The following FARS2 variants were observed in gnomAD, a reference collection of about 807,000 sequenced individuals.
FARS2 encodes the protein phenylalanine--tRNA ligase, mitochondrial.
In FARS2, 40 loss-of-function variants were observed where a neutral mutation model predicts 46.4. The observed-to-expected ratio is 0.86, with a 90% confidence interval of 0.67 to 1.12. The LOEUF is 1.12. Ranked by LOEUF, FARS2 falls within the 50% of genes most tolerant of loss-of-function variation. FARS2 has a pLI of 0.00. For synonymous variants in FARS2, 234 were observed against 214.9 expected (o/e 1.09, Z -0.78); for missense variants, 513 against 567.9 (o/e 0.90, Z 0.98).
chr6:5,467,158 A>G, intron 4 of FARS2: 1 of 828,696 alleles, frequency 1.2e-6, no homozygotes, highest in Non-Finnish European at 1.5e-6. Context: ...AAATGTTTCT[A>G]TCTGTGGTTT....
chr6:5,449,352 C>CAAAAAAAAAAAA (rs5873985), intron 4 of FARS2, among the ~76,000 whole-genome samples: 2 of 120,784 alleles, frequency 1.7e-5, no homozygotes, highest in Admixed American at 9.1e-5. Context: ...GACTCCATCT[C>CAAAAAAAAAAAA]AAAAAAAAAA....
intron 4 of FARS2, among the ~76,000 whole-genome samples, chr6:5,492,642 A>G (rs1767192092): frequency 6.6e-6 from 1 of 152,214 alleles, no homozygotes; most frequent in South Asian, 2.1e-4. Flanking sequence ...TTTTCTATGA[A>G]CTTTATTTTG....
intron 6 of FARS2, among the ~76,000 whole-genome samples, chr6:5,664,683 A>T (rs1282588391): frequency 1.3e-5 from 2 of 152,192 alleles, no homozygotes; most frequent in Non-Finnish European, 2.9e-5. Flanking sequence ...TCTTAGTAGG[A>T]CATGAGATGT....
intron 4 of FARS2, among the ~76,000 whole-genome samples, chr6:5,473,540 A>C (rs1311760508): frequency 4.0e-4 from 22 of 54,422 alleles, no homozygotes; most frequent in African/African-American, 1.8e-3. Context: ...AAACAAAAAA[A>C]AAAACAAAAA....
At chr6:5,545,031 A>C in intron 4 of FARS2, 149 bp from the exon 5 acceptor site, 1 of 684,590 alleles carries the variant, frequency 1.5e-6, no homozygotes, top group Non-Finnish European at 2.5e-6. Flanking sequence ...AAGATTGGGC[A>C]CCCTCATGGA....
intron 5 of FARS2, among the ~76,000 whole-genome samples, chr6:5,549,107 A>G (rs180822193): frequency 5.9e-5 from 9 of 151,878 alleles, no homozygotes; most frequent in Non-Finnish European, 1.2e-4. Flanking sequence ...CAACTGGGCT[A>G]AAGTTAAGGT....
chr6:5,637,500 G>A (rs1776602978), intron 6 of FARS2, among the ~76,000 whole-genome samples: 2 of 152,178 alleles, frequency 1.3e-5, no homozygotes. Flanking sequence ...GACAGAGACA[G>A]CATCGCCCTC....
chr6:5,529,482 A>G (rs1769685990), intron 4 of FARS2, among the ~76,000 whole-genome samples: 1 of 151,958 alleles, frequency 6.6e-6, no homozygotes. Flanking sequence ...TAATTTTTGT[A>G]TTTTTAGTAG....
chr6:5,285,263 A>C (rs1008802662), intron 1 of FARS2, among the ~76,000 whole-genome samples: 2 of 152,164 alleles, frequency 1.3e-5, no homozygotes, highest in Non-Finnish European at 2.9e-5. Flanking sequence ...AGCAGTGTCC[A>C]GGAGGCGACC....
chr6:5,392,769 C>T (rs2432791), intron 2 of FARS2, among the ~76,000 whole-genome samples: 91,762 of 146,230 alleles, frequency 0.63, 29,303 homozygotes, highest in African/African-American at 0.75. Flanking sequence ...CACACACACA[C>T]ATGTATATAT....
chr6:5,514,091 T>C (rs1013641670), intron 4 of FARS2, among the ~76,000 whole-genome samples: 9 of 96,380 alleles, frequency 9.3e-5, no homozygotes, highest in African/African-American at 3.7e-4. Flanking sequence ...AATCTGGACA[T>C]ATATATATAT....
chr6:5,522,322 C>T (rs929774308), intron 4 of FARS2, among the ~76,000 whole-genome samples: 1 of 152,158 alleles, frequency 6.6e-6, no homozygotes, highest in Non-Finnish European at 1.5e-5. Context: ...GTCATGTGGC[C>T]CCAGTCTGTC....
rs372103042 is a variant in FARS2 at position 5,383,491 on chromosome 6, C to T, written c.612+14309C>T. 3.9e-5 allele frequency among the ~76,000 whole-genome samples: 6 copies of T among 152,320 alleles called. No homozygotes were observed. In the South Asian group the frequency reaches 1.0e-3, roughly 26 times the overall value. On this transcript the variant is annotated intron_variant, in intron 2 of 6. Coordinates refer to ENST00000274680, the MANE Select transcript of FARS2 (RefSeq NM_006567.5). ...GCAAATCCTGGCTGTGCAACTCAGC[C>T]TCTGGTGACCTTAGATAAGTTCTTT... is the stretch of plus-strand genomic sequence containing the variant.
chr6:5,485,006 G>C (rs1029377900), intron 4 of FARS2, among the ~76,000 whole-genome samples: 2 of 152,146 alleles, frequency 1.3e-5, no homozygotes, highest in Admixed American at 6.5e-5. Context: ...AGCCCTCCCT[G>C]GGCACTCAGT....
intron 3 of FARS2, among the ~76,000 whole-genome samples, chr6:5,430,193 CAG>C (rs202144324): frequency 0.015 from 2,233 of 152,200 alleles, 25 homozygotes; most frequent in Middle Eastern, 0.027. Flanking sequence ...GAAAGGGACA[CAG>C]GGACAGGAAC....
chr6:5,466,442 TAGTC>T (rs1222310427), intron 4 of FARS2: 4 of 799,708 alleles, frequency 5.0e-6, no homozygotes, highest in South Asian at 5.7e-5. Context: ...AGCCATGTCT[TAGTC>T]AGCTCTATAT....
chr6:5,356,370 A>C (rs1757929378), intron 1 of FARS2, among the ~76,000 whole-genome samples: 1 of 152,134 alleles, frequency 6.6e-6, no homozygotes, highest in African/African-American at 2.4e-5. Context: ...GAATCACTTG[A>C]ATCTGGGAGG....
rs189939002 is a variant in FARS2 at position 5,751,993 on chromosome 6, C to T, written c.1218-19298C>T. 2.6e-4 allele frequency among the ~76,000 whole-genome samples: 39 copies of T among 152,248 alleles called. No individual in the cohort carries two copies. The East Asian group carries it at 7.1e-3, about 28-fold the overall frequency. ...CCTCTTCATGGGGTGTCCTGGGATG[C>T]GTCATGTGCCCGGAGGTGGTTTAGT... On this transcript the variant is annotated intron_variant, in intron 6 of 6. Transcript: ENST00000274680.
intron 1 of FARS2, among the ~76,000 whole-genome samples, chr6:5,353,059 AT>A (rs1029948682): frequency 1.3e-5 from 2 of 152,112 alleles, no homozygotes; most frequent in African/African-American, 4.8e-5. Flanking sequence ...GTCTCTCCCA[AT>A]CACACTTCCC....
Sources: gnomAD v4.1 joint callset for allele counts (sites outside exome capture counted in the v4.1 genomes callset) on GRCh38, gnomAD v4.1.1 for gene constraint, MANE v1.5 for transcripts, NCBI Gene and HGNC (gene_info 2026-07-23, HGNC 2026-07-21) for gene names.